Variants in SMG1 observed in about 807,000 individuals in gnomAD.
The protein encoded by SMG1 is SMG1 nonsense mediated mRNA decay associated PI3K related kinase.
In SMG1, 22 loss-of-function variants were observed where a neutral mutation model predicts 419.9. The observed-to-expected ratio is 0.05, with a 90% CI of 0.04 to 0.07. The LOEUF is 0.07. Among genes scored for constraint, SMG1 ranks in the 10% least tolerant of loss-of-function variants. The pLI is 1.00. For missense variants in SMG1, 3,185 were observed against 4,342.0 expected (o/e 0.73, Z 7.49); for synonymous variants, 1,538 against 1,553.5 (o/e 0.99, Z 0.23).
intron 48 of SMG1, 148 bp downstream of exon 48, chr16:18,835,785 G>A: frequency 4.1e-6 from 3 of 737,718 alleles, no homozygotes; most frequent in Non-Finnish European, 6.5e-6. Flanking sequence ...TGTAGTCCCA[G>A]CTACTCTGGA....
chr16:18,896,569 T>G (rs1396303128), intron 2 of SMG1, among the ~76,000 whole-genome samples: 1 of 152,178 alleles, frequency 6.6e-6, no homozygotes, highest in Non-Finnish European at 1.5e-5. Context: ...GTATCTTCCT[T>G]GTAAGAAAAC....
At chr16:18,924,396 A>C (rs2038310826) in intron 1 of SMG1, among the ~76,000 whole-genome samples, 1 of 152,208 alleles carries the variant, frequency 6.6e-6, no homozygotes, top group East Asian at 1.9e-4. Flanking sequence ...CTATTTGGGA[A>C]GGGCACTTTA....
At chr16:18,924,501 ATT>A (rs1391486689) in intron 1 of SMG1, among the ~76,000 whole-genome samples, 3 of 152,214 alleles carry the variant, frequency 2.0e-5, no homozygotes, top group Non-Finnish European at 4.4e-5. Context: ...TTACCACCTA[ATT>A]TGTTAGATGC....
intron 36 of SMG1, 34 bp from the exon 37 acceptor site, chr16:18,848,067 A>G: frequency 3.2e-6 from 5 of 1,567,914 alleles, no homozygotes; most frequent in Non-Finnish European, 4.4e-6. Context: ...GAATATTTTG[A>G]ACATTTCTCC....
rs1479863455 is a variant in SMG1 at position 18,805,420 on chromosome 16, C to A, written c.*4149G>T. Reference sequence around the variant, plus strand: ...GCACAACAAACAGCTTTTTCTAAGTCTAGCCAAGTTCCCATGGAAGGCAAA... The same window carrying A: ...GCACAACAAACAGCTTTTTCTAAGTATAGCCAAGTTCCCATGGAAGGCAAA... On this transcript the variant is annotated 3_prime_UTR_variant, in exon 63 of 63. Coordinates refer to ENST00000446231, the MANE Select transcript of SMG1 (RefSeq NM_015092.5). The A allele has an allele frequency of 3.3e-5, 5 of 152,164 alleles. No individual in the cohort carries two copies. The highest frequency in any genetic ancestry group is 7.3e-5 in the Non-Finnish European group (5 of 68,032). The allele number at this position is 152,164 out of a possible 1,614,324, so 9.4% of individuals were successfully genotyped here. A position where few individuals can be genotyped will look rare whatever the true frequency, so the allele number is the denominator to read the frequency against.
At chr16:18,916,513 C>CAAAAAAAAAAA (rs59985733) in intron 1 of SMG1, among the ~76,000 whole-genome samples, 2 of 68,946 alleles carry the variant, frequency 2.9e-5, no homozygotes, top group Non-Finnish European at 5.4e-5. Flanking sequence ...GACTCCATCT[C>CAAAAAAAAAAA]AAAAAAAAAA....
At chr16:18,865,323 TTCTCAGTGAC>T (rs1334264873) in intron 23 of SMG1, among the ~76,000 whole-genome samples, 2 of 152,168 alleles carry the variant, frequency 1.3e-5, no homozygotes, top group African/African-American at 4.8e-5. Context: ...GCATTCTTGT[TTCTCAGTGAC>T]TCTCAGTATC....
chr16:18,904,923 A>T (rs2037499198), intron 1 of SMG1, among the ~76,000 whole-genome samples: 3 of 151,302 alleles, frequency 2.0e-5, no homozygotes, highest in Admixed American at 6.6e-5. Flanking sequence ...CAACAGAGAG[A>T]CTCCATCTCA....
chr16:18,836,577 T>A, intron 46 of SMG1, 45 bp from the exon 47 acceptor site: 1 of 1,595,328 alleles, frequency 6.3e-7, no homozygotes, highest in East Asian at 2.2e-5. Context: ...TATTGCTGTT[T>A]TCTTCCACAT....
intron 23 of SMG1, 45 bp from the exon 24 acceptor site, chr16:18,864,189 T>TTCA: frequency 2.1e-6 from 1 of 484,964 alleles, no homozygotes; most frequent in Non-Finnish European, 2.6e-6. Flanking sequence ...TCTACTTACT[T>TTCA]TTTTTTTTTT....
At chr16:18,858,311 T>C in intron 28 of SMG1, 21 bp from the exon 29 acceptor site, 2 of 1,576,960 alleles carry the variant, frequency 1.3e-6, no homozygotes, top group Non-Finnish European at 1.7e-6. Flanking sequence ...AAAACCAAAA[T>C]TACTCAACAT....
At chr16:18,878,020 T>C (rs1383769049) in intron 11 of SMG1, 2 of 152,250 alleles carry the variant, frequency 1.3e-5, no homozygotes, top group Non-Finnish European at 2.9e-5. Flanking sequence ...GTGTTAAATA[T>C]GTACAAATTT....
chr16:18,902,415 C>A (rs369165909), intron 1 of SMG1, among the ~76,000 whole-genome samples: 1 of 152,016 alleles, frequency 6.6e-6, no homozygotes, highest in Admixed American at 6.6e-5. Context: ...ACCTAAGAGT[C>A]GTCTTGGCCA....
At chr16:18,924,506 T>C (rs1409770683) in intron 1 of SMG1, among the ~76,000 whole-genome samples, 1 of 152,222 alleles carries the variant, frequency 6.6e-6, no homozygotes, top group Non-Finnish European at 1.5e-5. Flanking sequence ...ACCTAATTTG[T>C]TAGATGCCAG....
At chr16:18,813,452 G>C (rs1053759533) in intron 60 of SMG1, among the ~76,000 whole-genome samples, 2 of 152,176 alleles carry the variant, frequency 1.3e-5, no homozygotes, top group African/African-American at 2.4e-5. Flanking sequence ...GTGTCTGTTG[G>C]CTGCATAAAT....
intron 11 of SMG1, 98 bp downstream of exon 11, chr16:18,879,397 G>C: frequency 8.3e-7 from 1 of 1,200,724 alleles, no homozygotes; most frequent in Non-Finnish European, 1.2e-6. Flanking sequence ...TTACAAGCAT[G>C]AGCCACCATG....
At chr16:18,917,934 G>A (rs113759231) in intron 1 of SMG1, among the ~76,000 whole-genome samples, 1,535 of 151,568 alleles carry the variant, frequency 0.01, 34 homozygotes, top group African/African-American at 0.035. Context: ...CCACTCTCCC[G>A]CAGCTAATAT....
chr16:18,845,641 T>A lies in SMG1; in HGVS notation c.6007A>T (p.Ile2003Phe). Residue 2003 changes from isoleucine (I) to phenylalanine (F), a missense_variant, in exon 39 of 63, where the codon ATT becomes TTT. Physicochemically the swap from Ile to Phe is conservative, Grantham distance 21. Transcript: ENST00000446231. ...NNNTLRKEEK[I>F]AIMREKHTAL... is the part of the protein sequence containing the mutation. The stretch of plus-strand genomic sequence containing the variant: ...GTGTGCTTCTCCCTCATGATTGCAA[T>A]TTTCTCTTCTCTGACCAAGAAGACA... The A allele has an allele frequency of 6.2e-7, 1 of 1,609,436 alleles. No homozygotes were observed. The highest frequency in any genetic ancestry group is 8.5e-7 in the Non-Finnish European group (1 of 1,178,010).
In SMG1 at chr16:18,834,960, A is replaced by G. The variant is rs1261381479; in HGVS notation, c.8262T>C (p.His2754=). 21 of 1,612,394 alleles carry G rather than the reference A, an allele frequency of 1.3e-5. No homozygotes were observed. The highest frequency in any genetic ancestry group is 2.2e-5 in the East Asian group (1 of 44,880). ...EIERCIKVFL[H]ENGEEGSLSL... ...TCAAAGATCCTTCTTCTCCATTCTC[A>G]TGAAGGAAAACTTTAATGCAACGTT... The change falls in exon 49 of 63, where the codon CAT becomes CAC. Residue 2754 remains histidine (H), a synonymous_variant. Coordinates refer to ENST00000446231, the MANE Select transcript of SMG1 (RefSeq NM_015092.5).
Sources: allele counts gnomAD v4.1 joint callset (sites outside exome capture counted in the v4.1 genomes callset), GRCh38; gene constraint gnomAD v4.1.1; transcripts MANE v1.5; gene names NCBI Gene and HGNC (gene_info 2026-07-23, HGNC 2026-07-21).